VPS13D: variants seen among roughly 807,000 people sequenced by gnomAD.
The protein encoded by VPS13D is intermembrane lipid transfer protein VPS13D.
Under a neutral mutation model 461.9 loss-of-function variants are expected in VPS13D, and 187 were observed. The observed-to-expected ratio is 0.40, with a 90% CI of 0.36 to 0.46. The LOEUF (loss-of-function observed/expected upper bound fraction) is 0.46. VPS13D is among the 20% of genes least tolerant of loss of function. VPS13D has a pLI of 0.60. For missense variants in VPS13D, 4,711 were observed against 5,364.9 expected (o/e 0.88, Z 3.81); for synonymous variants, 1,951 against 1,986.3 (o/e 0.98, Z 0.47).
intron 65 of VPS13D, among the ~76,000 whole-genome samples, chr1:12,433,406 C>T (rs1645018295): frequency 6.6e-6 from 1 of 152,194 alleles, no homozygotes; most frequent in South Asian, 2.1e-4. Flanking sequence ...GGTTCAGACC[C>T]TCAGTCACAC....
At chr1:12,407,610 T>A (rs1013867861) in intron 63 of VPS13D, among the ~76,000 whole-genome samples, 2 of 152,198 alleles carry the variant, frequency 1.3e-5, no homozygotes, top group Admixed American at 6.5e-5. Context: ...ACTGTCCAGA[T>A]TAACCTGAAG....
At position 12,478,944 on chromosome 1, in the gene VPS13D, T is replaced by C. The variant is rs565730279; in HGVS notation, c.12662+18548T>C. On this transcript the variant is annotated intron_variant, in intron 67 of 69. Transcript: ENST00000620676. ...GATGCCGTTTTCCTTCCCCATCACC[T>C]CGAAAGCTGTTAATAGCCTTGCTTT... is the stretch of plus-strand genomic sequence containing the variant. 2.6e-4 allele frequency: 119 copies of C among 454,016 alleles called. No homozygotes were observed. In the Middle Eastern group the frequency reaches 3.0e-3, roughly 11 times the overall value. The allele number at this position is 454,016 out of a possible 1,614,324, so 28.1% of individuals were successfully genotyped here.
In VPS13D at chr1:12,327,635, A is replaced by T; in HGVS notation, c.7991-13A>T. The T allele has an allele frequency of 2.5e-6, 4 of 1,613,596 alleles. No individual in the cohort carries two copies. Among genetic ancestry groups the T allele is most frequent in the Non-Finnish European group, 3.4e-6 (4 of 1,179,790 alleles). Reference sequence around the variant, plus strand: ...AAGCTGGTAGAACTGATCACTTCTTAATTTCTTTGAAGGCCAATTGAAAAA... The same window carrying T: ...AAGCTGGTAGAACTGATCACTTCTTTATTTCTTTGAAGGCCAATTGAAAAA... On this transcript the variant is annotated splice_polypyrimidine_tract_variant and intron_variant, in intron 35 of 69. Coordinates refer to ENST00000620676, the MANE Select transcript of VPS13D (RefSeq NM_015378.4).
chr1:12,357,530 C>G (rs139319052), intron 49 of VPS13D, among the ~76,000 whole-genome samples: 10 of 152,324 alleles, frequency 6.6e-5, no homozygotes, highest in Admixed American at 1.3e-4. Context: ...TCCCACCATC[C>G]CAATGGTTTA....
intron 65 of VPS13D, among the ~76,000 whole-genome samples, chr1:12,455,637 G>A (rs1397438903): frequency 6.6e-6 from 1 of 152,062 alleles, no homozygotes; most frequent in East Asian, 1.9e-4. Context: ...TTAAATTATT[G>A]GCCAGGCACA....
At chr1:12,497,381 C>A in intron 67 of VPS13D, 119 bp from the exon 68 acceptor site, 1 of 1,262,962 alleles carries the variant, frequency 7.9e-7, no homozygotes, top group South Asian at 1.6e-5. Context: ...TAGGTTAATT[C>A]TGTTCACTAA....
Position 12,322,429 on chromosome 1 carries a change from T to G in VPS13D, c.7705-107T>G, listed in dbSNP as rs149520649. The G allele has an allele frequency of 1.7e-4, 186 of 1,074,968 alleles. No individual in the cohort carries two copies. In the African/African-American group the frequency reaches 2.6e-3, roughly 15 times the overall value. The allele number at this position is 1,074,968 out of a possible 1,614,324, so 66.6% of individuals were successfully genotyped here. ...CTTTTAAATGAGAAATTTGGTGCAG[T>G]ATCTGTTGGACTTTTAGAAGTTGAA... is the stretch of plus-strand genomic sequence containing the variant. On this transcript the variant is annotated intron_variant, in intron 33 of 69. Coordinates refer to ENST00000620676, the MANE Select transcript of VPS13D (RefSeq NM_015378.4).
At chr1:12,235,272 T>C (rs967525391) in intron 2 of VPS13D, among the ~76,000 whole-genome samples, 9 of 152,172 alleles carry the variant, frequency 5.9e-5, no homozygotes, top group Admixed American at 2.6e-4. Flanking sequence ...GTGGTTCACA[T>C]GTTCCATTAA....
In VPS13D at chr1:12,276,879, C is replaced by T. The variant is rs764690101; in HGVS notation, c.3291C>T (p.Asp1097=). Residue 1097 remains aspartate, a synonymous_variant, in exon 19 of 70, where the codon GAC becomes GAT. Coordinates refer to ENST00000620676, the MANE Select transcript of VPS13D (RefSeq NM_015378.4). The surrounding 1 kb of genome is among the most constrained non-coding windows in gnomAD (Gnocchi z 4.5). ...CAGAGTGCCCATCGATGAATTTAGA[C>T]AGTACTCTTCAGGTGATTTCCCTAC... ...VSSECPSMNL[D]STLQVISLQV... 4.3e-6 allele frequency: 7 copies of T among 1,614,108 alleles called. No homozygotes were observed. The Admixed American group carries it at 6.7e-5, about 15-fold the overall frequency.
chr1:12,306,408 G>A (rs949315732), intron 26 of VPS13D, among the ~76,000 whole-genome samples: 1 of 152,190 alleles, frequency 6.6e-6, no homozygotes, highest in African/African-American at 2.4e-5. Flanking sequence ...CTAGAACACA[G>A]AGGGGGCTGC....
At chr1:12,504,011 G>A (rs1302753750) in intron 68 of VPS13D, among the ~76,000 whole-genome samples, 1 of 152,166 alleles carries the variant, frequency 6.6e-6, no homozygotes, top group African/African-American at 2.4e-5. Context: ...TGCCGCGTTT[G>A]CCAGGCTTCT....
In VPS13D at chr1:12,308,440, T is replaced by G. The variant is rs1642632093; in HGVS notation, c.6449T>G (p.Val2150Gly). 1 of 1,614,056 alleles carries G rather than the reference T, an allele frequency of 6.2e-7. No individual in the cohort carries two copies. Among genetic ancestry groups the G allele is most frequent in the African/African-American group, 1.3e-5 (1 of 74,920 alleles). ...CCTTGGGTCCTTGTAGAAGACCATG[T>G]CTGCCTGCTGGATTGCGTTGTCGTG... Reference protein sequence around the residue: ...GQESSSPEDHVCLLDCVVVDL... With the variant: ...GQESSSPEDHGCLLDCVVVDL... Residue 2150 changes from valine to glycine, a missense_variant, in exon 27 of 70, where the codon GTC (valine) becomes GGC (glycine). Transcript: ENST00000620676.
At chr1:12,381,922 T>TTTTCCTTTC (rs1644279340) in intron 57 of VPS13D, among the ~76,000 whole-genome samples, 4 of 101,168 alleles carry the variant, frequency 4.0e-5, no homozygotes, top group East Asian at 2.7e-4. Context: ...CTTTCTTTTC[T>TTTTCCTTTC]TTTCTTTCTT....
intron 67 of VPS13D, among the ~76,000 whole-genome samples, chr1:12,462,814 C>T (rs117580550): frequency 2.2e-4 from 33 of 152,164 alleles, no homozygotes; most frequent in Non-Finnish European, 4.3e-4. Context: ...CTGTCTGTTT[C>T]CTCTGGCCTG....
intron 68 of VPS13D, among the ~76,000 whole-genome samples, chr1:12,503,121 C>T (rs563475465): frequency 6.4e-4 from 97 of 152,208 alleles, no homozygotes; most frequent in African/African-American, 2.3e-3. Flanking sequence ...TTGAGAATGC[C>T]CCGTGGTTCA....
chr1:12,292,288 C>CAAAAAAAAAA, intron 23 of VPS13D, among the ~76,000 whole-genome samples: 1 of 127,502 alleles, frequency 7.8e-6, no homozygotes, highest in Non-Finnish European at 1.6e-5. Context: ...AAAAAAAAAG[C>CAAAAAAAAAA]TTTTCTCAGA....
At chr1:12,448,302 T>C (rs1167243104) in intron 65 of VPS13D, among the ~76,000 whole-genome samples, 1 of 152,214 alleles carries the variant, frequency 6.6e-6, no homozygotes, top group Non-Finnish European at 1.5e-5. Flanking sequence ...TTTTTTTTCC[T>C]GCATTATAAT....
intron 65 of VPS13D, among the ~76,000 whole-genome samples, chr1:12,435,975 G>A (rs984615831): frequency 6.6e-6 from 1 of 152,120 alleles, no homozygotes; most frequent in Admixed American, 6.5e-5. Context: ...TACACATCGA[G>A]CTGACTATAG....
chr1:12,349,505 C>T, intron 46 of VPS13D, 131 bp downstream of exon 46: 1 of 982,434 alleles, frequency 1.0e-6, no homozygotes, highest in Non-Finnish European at 1.5e-6. Context: ...GTTCTTATTC[C>T]TTGAGTTTTA....
Sources: allele counts gnomAD v4.1 joint callset (sites outside exome capture counted in the v4.1 genomes callset), GRCh38; gene constraint gnomAD v4.1.1; non-coding constraint Gnocchi (gnomAD v3.1); transcripts MANE v1.5; gene names NCBI Gene and HGNC (gene_info 2026-07-23, HGNC 2026-07-21).